The following PRKCE variants were observed in gnomAD, a reference collection of about 807,000 sequenced individuals.
PRKCE encodes protein kinase C epsilon.
Under a neutral mutation model 85.4 loss-of-function variants are expected in PRKCE, and 16 were observed. That is an observed-to-expected ratio of 0.19 (90% CI 0.13 to 0.28). The LOEUF (loss-of-function observed/expected upper bound fraction) is 0.28. PRKCE is among the 10% of genes least tolerant of loss of function. The pLI is 1.00. For missense variants in PRKCE, 573 were observed against 975.2 expected, an observed-to-expected ratio of 0.59 and a Z score of 5.49; for synonymous variants, 388 against 371.5, an observed-to-expected ratio of 1.04 and a Z score of -0.51.
chr2:45,909,691 G>C (rs1697238004), intron 2 of PRKCE, among the ~76,000 whole-genome samples: 1 of 152,182 alleles, frequency 6.6e-6, no homozygotes, highest in African/African-American at 2.4e-5. Flanking sequence ...TCCTGGTGAG[G>C]CTACCGTTTC....
At chr2:46,074,783 A>G (rs1459853553) in intron 10 of PRKCE, among the ~76,000 whole-genome samples, 1 of 152,206 alleles carries the variant, frequency 6.6e-6, no homozygotes, top group Admixed American at 6.5e-5. Flanking sequence ...CTGCACGTGC[A>G]CTGAGCCTGG....
At chr2:45,784,259 G>T (rs753553923) in intron 1 of PRKCE, among the ~76,000 whole-genome samples, 31 of 152,282 alleles carry the variant, frequency 2.0e-4, no homozygotes, top group Non-Finnish European at 4.0e-4. Flanking sequence ...GGAATTGGAG[G>T]CAGTGAGAAA....
intron 1 of PRKCE, among the ~76,000 whole-genome samples, chr2:45,702,130 A>G (rs1678694777): frequency 6.6e-6 from 1 of 151,982 alleles, no homozygotes; most frequent in African/African-American, 2.4e-5. Context: ...CAGAGGTTGC[A>G]GTGAGCTGAG....
intron 2 of PRKCE, among the ~76,000 whole-genome samples, chr2:45,937,584 G>A (rs1164894894): frequency 2.0e-5 from 3 of 152,044 alleles, no homozygotes; most frequent in East Asian, 1.9e-4. Context: ...GCCTGGTGGC[G>A]GGCACCTGTA....
intron 1 of PRKCE, among the ~76,000 whole-genome samples, chr2:45,692,052 T>C (rs1408415644): frequency 1.3e-5 from 2 of 152,198 alleles, no homozygotes; most frequent in Non-Finnish European, 2.9e-5. Flanking sequence ...CCTTCACTCA[T>C]GGAAAAAGTT....
chr2:46,052,446 C>T (rs1453650369), intron 10 of PRKCE, among the ~76,000 whole-genome samples: 3 of 152,140 alleles, frequency 2.0e-5, no homozygotes, highest in Non-Finnish European at 2.9e-5. Context: ...ACAAAAGAAG[C>T]TGAAGACTTT....
At chr2:45,831,756 A>T (rs1690442775) in intron 1 of PRKCE, among the ~76,000 whole-genome samples, 1 of 152,166 alleles carries the variant, frequency 6.6e-6, no homozygotes, top group South Asian at 2.1e-4. Flanking sequence ...AAATTACTAA[A>T]ATTGGTCCCT....
chr2:45,744,684 C>T (rs1407253596), intron 1 of PRKCE, among the ~76,000 whole-genome samples: 1 of 151,702 alleles, frequency 6.6e-6, no homozygotes, highest in African/African-American at 2.4e-5. Flanking sequence ...CTCCGGCTCA[C>T]TGCAACCTCC....
At chr2:45,851,000 G>T (rs984402223) in intron 2 of PRKCE, among the ~76,000 whole-genome samples, 7 of 152,232 alleles carry the variant, frequency 4.6e-5, no homozygotes, top group Admixed American at 6.5e-5. Flanking sequence ...ATCATCGTGT[G>T]CTTTAGCTGT....
intron 1 of PRKCE, among the ~76,000 whole-genome samples, chr2:45,737,454 G>A (rs1019006835): frequency 8.5e-5 from 13 of 152,170 alleles, no homozygotes; most frequent in African/African-American, 3.1e-4. Flanking sequence ...GTGCGGGTGG[G>A]AACAGTGTCC....
intron 2 of PRKCE, among the ~76,000 whole-genome samples, chr2:45,867,652 C>T (rs1693715903): frequency 6.6e-6 from 1 of 152,080 alleles, no homozygotes; most frequent in South Asian, 2.1e-4. Context: ...TGATTTTTTT[C>T]ATCAGAGGTT....
At chr2:45,777,060 G>A (rs572931637) in intron 1 of PRKCE, among the ~76,000 whole-genome samples, 1 of 152,164 alleles carries the variant, frequency 6.6e-6, no homozygotes, top group African/African-American at 2.4e-5. Flanking sequence ...TGAGTTCCCA[G>A]AACATCAGTT....
chr2:46,142,273 C>T (rs1044036196), intron 11 of PRKCE, among the ~76,000 whole-genome samples: 1 of 152,156 alleles, frequency 6.6e-6, no homozygotes, highest in African/African-American at 2.4e-5. Flanking sequence ...AGCCCAGTGC[C>T]AGGCAAGTTT....
At chr2:45,675,007 T>G (rs1260100575) in intron 1 of PRKCE, 1 of 152,222 alleles carries the variant, frequency 6.6e-6, no homozygotes, top group African/African-American at 2.4e-5. Flanking sequence ...CCATTTGCCT[T>G]GGGTGATCCA....
chr2:45,863,618 C>T (rs147526305), intron 2 of PRKCE, among the ~76,000 whole-genome samples: 3 of 152,138 alleles, frequency 2.0e-5, no homozygotes, highest in East Asian at 3.9e-4. Context: ...TAGAAATAGG[C>T]GTTTAAGCAG....
intron 2 of PRKCE, among the ~76,000 whole-genome samples, chr2:45,918,828 T>G (rs1288144572): frequency 1.3e-5 from 2 of 152,246 alleles, no homozygotes; most frequent in African/African-American, 4.8e-5. Flanking sequence ...TCCTACTAGT[T>G]TGTATTTTGC....
intron 2 of PRKCE, among the ~76,000 whole-genome samples, chr2:45,861,236 A>G (rs894233085): frequency 6.6e-6 from 1 of 152,140 alleles, no homozygotes; most frequent in Non-Finnish European, 1.5e-5. Flanking sequence ...CTAGAGACTA[A>G]TTTGGTTCTA....
chr2:45,790,193 A>G (rs1558674428), intron 1 of PRKCE, among the ~76,000 whole-genome samples: 1 of 152,216 alleles, frequency 6.6e-6, no homozygotes, highest in Non-Finnish European at 1.5e-5. Flanking sequence ...AAATGAGAGC[A>G]TCCTTCAGCC....
At chr2:45,819,585 T>C (rs2105324345) in intron 1 of PRKCE, among the ~76,000 whole-genome samples, 1 of 152,302 alleles carries the variant, frequency 6.6e-6, no homozygotes, top group African/African-American at 2.4e-5. Context: ...GTTTTTCACG[T>C]TCCTGGGCCT....
Sources: allele counts gnomAD v4.1 joint callset (sites outside exome capture counted in the v4.1 genomes callset), GRCh38; gene constraint gnomAD v4.1.1; transcripts MANE v1.5; gene names NCBI Gene and HGNC (gene_info 2026-07-23, HGNC 2026-07-21).